Variants in NRXN1 observed in about 807,000 individuals in gnomAD.
NRXN1 encodes neurexin-1.
A neutral mutation model predicts 150.9 loss-of-function variants in NRXN1; 39 were observed. That is an observed-to-expected ratio of 0.26 (90% CI 0.20 to 0.34). The LOEUF (loss-of-function observed/expected upper bound fraction) is 0.34. NRXN1 is among the 10% of genes least tolerant of loss of function. The pLI, the probability that NRXN1 is intolerant of heterozygous loss-of-function variation, is 1.00. For synonymous variants in NRXN1, 924 were observed against 757.0 expected, an observed-to-expected ratio of 1.22 and a Z score of -3.62; for missense variants, 1,815 against 1,949.9, an observed-to-expected ratio of 0.93 and a Z score of 1.30.
At chr2:50,720,050 G>C (rs1696428822) in intron 5 of NRXN1, among the ~76,000 whole-genome samples, 2 of 152,158 alleles carry the variant, frequency 1.3e-5, no homozygotes, top group Non-Finnish European at 1.5e-5. Flanking sequence ...ATTAAACTCA[G>C]GGTAACACAT....
At chr2:50,299,612 A>G (rs1287935528) in intron 17 of NRXN1, among the ~76,000 whole-genome samples, 1 of 152,194 alleles carries the variant, frequency 6.6e-6, no homozygotes, top group Non-Finnish European at 1.5e-5. Flanking sequence ...AGTACATATT[A>G]AAAACATAGT....
At chr2:50,235,788 A>T (rs1186599684) in intron 18 of NRXN1, among the ~76,000 whole-genome samples, 1 of 152,014 alleles carries the variant, frequency 6.6e-6, no homozygotes, top group Non-Finnish European at 1.5e-5. Context: ...ATGGGAAATA[A>T]ACAGAACCTC....
At chr2:50,562,565 ATG>A (rs1669262338) in intron 8 of NRXN1, among the ~76,000 whole-genome samples, 1 of 152,168 alleles carries the variant, frequency 6.6e-6, no homozygotes, top group Admixed American at 6.5e-5. Flanking sequence ...GATTATATTT[ATG>A]TGTGTGTGTA....
rs1488693873 is a variant in NRXN1, at chr2:50,922,620, A to T, written c.820+38T>A. On this transcript the variant is annotated intron_variant, in intron 4 of 22. Coordinates refer to ENST00000401669, the MANE Select transcript of NRXN1 (RefSeq NM_001330078.2). ...TTGAAAGCAGCTACAGAACAAGAAAACACTGAAAGCAGAGTGGAAAAGGAA... is the reference window on the plus strand; with the variant it reads ...TTGAAAGCAGCTACAGAACAAGAAATCACTGAAAGCAGAGTGGAAAAGGAA... 3.1e-6 allele frequency: 5 copies of T among 1,605,628 alleles called. No homozygotes were observed. In the African/African-American group the frequency reaches 4.0e-5, roughly 13 times the overall value.
intron 17 of NRXN1, among the ~76,000 whole-genome samples, chr2:50,240,689 T>C (rs964934389): frequency 6.6e-6 from 1 of 151,752 alleles, no homozygotes; most frequent in African/African-American, 2.4e-5. Context: ...TGTCATTTAC[T>C]AGCTATGTGA....
chr2:50,828,315 A>AGTG, intron 5 of NRXN1, among the ~76,000 whole-genome samples: 1 of 142,400 alleles, frequency 7.0e-6, no homozygotes, highest in East Asian at 2.2e-4. Context: ...GCTGGCCGGG[A>AGTG]GGGGGCTGAA....
At chr2:51,006,917 A>G (rs981144019) in intron 2 of NRXN1, among the ~76,000 whole-genome samples, 1 of 151,868 alleles carries the variant, frequency 6.6e-6, no homozygotes, top group African/African-American at 2.4e-5. Context: ...GTGCCCTATC[A>G]TTACTGTTCA....
At chr2:49,997,263 A>C (rs141844035) in intron 21 of NRXN1, among the ~76,000 whole-genome samples, 8 of 152,316 alleles carry the variant, frequency 5.3e-5, no homozygotes, top group Non-Finnish European at 1.2e-4. Flanking sequence ...AAAGAGAATC[A>C]TTGAAGTGTG....
In NRXN1 at chr2:50,279,732, G is replaced by A. The variant is rs1358112185; in HGVS notation, c.3365-42762C>T. 4.6e-5 allele frequency among the ~76,000 whole-genome samples: 7 copies of A among 152,054 alleles called. No homozygotes were observed. In the East Asian group the frequency reaches 9.6e-4, roughly 21 times the overall value. ...CTTTGAAAGAAAAAAAATTCACTTC[G>A]TATCTCTTGTTGACAAAATGCCAAG... On this transcript the variant is annotated intron_variant, in intron 17 of 22. Coordinates refer to ENST00000401669, the MANE Select transcript of NRXN1 (RefSeq NM_001330078.2).
chr2:49,966,890 A>T lies in NRXN1; in HGVS notation c.4129-23099T>A, dbSNP rs189991460. Among the ~76,000 whole-genome samples the T allele has an allele frequency of 1.1e-4, 16 of 152,266 alleles. No homozygotes were observed. The South Asian group carries it at 2.1e-3, about 20-fold the overall frequency. On this transcript the variant is annotated intron_variant, in intron 21 of 22. Transcript: ENST00000401669. ...CTGAGACCACCTTCAGAAAAATCCA[A>T]CATTTAAAAGGGTAGAAAGAAAAAG...
At chr2:50,378,847 G>C (rs1024157547) in intron 17 of NRXN1, among the ~76,000 whole-genome samples, 2 of 152,140 alleles carry the variant, frequency 1.3e-5, no homozygotes, top group Non-Finnish European at 2.9e-5. Context: ...GCTAGACTAA[G>C]TTATGTTCAG....
chr2:49,948,873 A>C (rs1298387498), intron 21 of NRXN1, among the ~76,000 whole-genome samples: 3 of 151,944 alleles, frequency 2.0e-5, no homozygotes, highest in East Asian at 1.9e-4. Flanking sequence ...TTAGCTTTAC[A>C]TAACAGTCCA....
rs139557437 is a variant in NRXN1 at position 50,538,881 on chromosome 2, C to G, written c.1760-245G>C. On this transcript the variant is annotated intron_variant, in intron 9 of 22. Transcript: ENST00000401669. ...GAGAATGGAAACCTAAGTGTACAGC[C>G]AACAAATAGTGTTTGAGAGCCTCAA... Among the ~76,000 whole-genome samples, 763 of 149,758 alleles carry G rather than the reference C, an allele frequency of 5.1e-3. 6 individuals carry two copies. Among genetic ancestry groups the G allele is most frequent in the African/African-American group, 0.018 (718 of 40,198 alleles).
At chr2:50,454,097 G>A (rs2087271155) in intron 17 of NRXN1, among the ~76,000 whole-genome samples, 2 of 152,050 alleles carry the variant, frequency 1.3e-5, no homozygotes, top group Non-Finnish European at 2.9e-5. Context: ...AGGCCGAGGT[G>A]GGCAGATCAC....
At chr2:50,074,206 C>A (rs1163940768) in intron 19 of NRXN1, among the ~76,000 whole-genome samples, 1 of 151,962 alleles carries the variant, frequency 6.6e-6, no homozygotes, top group Non-Finnish European at 1.5e-5. Context: ...TTTATATTAT[C>A]ACTATAATTT....
intron 17 of NRXN1, among the ~76,000 whole-genome samples, chr2:50,404,682 A>C (rs544697096): frequency 2.0e-5 from 3 of 152,234 alleles, no homozygotes; most frequent in Non-Finnish European, 4.4e-5. Context: ...AGTTTGTCTG[A>C]TTTCCTTTAC....
chr2:50,042,147 A>G (rs1691076870), intron 21 of NRXN1, among the ~76,000 whole-genome samples: 1 of 152,232 alleles, frequency 6.6e-6, no homozygotes, highest in African/African-American at 2.4e-5. Context: ...AATTCTTTTA[A>G]CATCTTGTTA....
intron 18 of NRXN1, among the ~76,000 whole-genome samples, chr2:50,153,775 G>C (rs972870430): frequency 6.6e-6 from 1 of 151,810 alleles, no homozygotes; most frequent in African/African-American, 2.4e-5. Context: ...CTCTTAGCTG[G>C]AGGGAAGAAG....
At chr2:50,054,913 C>CA in intron 20 of NRXN1, 42 bp downstream of exon 20, 1 of 1,342,458 alleles carries the variant, frequency 7.4e-7, no homozygotes, top group Non-Finnish European at 1.0e-6. Context: ...TGGTTATGTT[C>CA]AAATTATTTT....
Sources: gnomAD v4.1 joint callset for allele counts (sites outside exome capture counted in the v4.1 genomes callset) on GRCh38, gnomAD v4.1.1 for gene constraint, MANE v1.5 for transcripts, NCBI Gene and HGNC (gene_info 2026-07-23, HGNC 2026-07-21) for gene names.